SLC6A11: variants seen among roughly 807,000 people sequenced by gnomAD.
SLC6A11 encodes solute carrier family 6 member 11, also known as sodium- and chloride-dependent GABA transporter 3.
SLC6A11 carries 25 observed loss-of-function variants against 74.8 expected under a neutral mutation model. That is an observed-to-expected ratio of 0.33 (90% CI 0.24 to 0.47). SLC6A11 has a LOEUF of 0.47. Ranked by LOEUF, SLC6A11 falls within the 20% of genes least tolerant of loss-of-function variation. The pLI is 1.00. For missense variants in SLC6A11, 574 were observed against 837.0 expected, an observed-to-expected ratio of 0.69 and a Z score of 3.88; for synonymous variants, 330 against 330.2, an observed-to-expected ratio of 1.00 and a Z score of 0.01.
rs1695437565 is a variant in SLC6A11, at chr3:10,915,036, C to T, written c.995+2843C>T. 6.6e-6 allele frequency among the ~76,000 whole-genome samples: 1 copy of T among 152,170 alleles called. No individual in the cohort carries two copies. Among genetic ancestry groups the T allele is most frequent in the Admixed American group, 6.5e-5 (1 of 15,278 alleles). On this transcript the variant is annotated intron_variant, in intron 7 of 13. Transcript: ENST00000254488. This position sits in a 1 kb window ranked among gnomAD's most constrained non-coding sequence, Gnocchi z 4.3. ...GCAGGGCAGTCAGAAAGAAACCACC[C>T]CATTACATAAGCAAGGAGATGGTGG...
At chr3:10,831,335 C>G (rs1023344649) in intron 4 of SLC6A11, among the ~76,000 whole-genome samples, 1 of 148,838 alleles carries the variant, frequency 6.7e-6, no homozygotes, top group Non-Finnish European at 1.5e-5. Context: ...TGAACATGTC[C>G]TCAGCAGCAC....
intron 3 of SLC6A11, among the ~76,000 whole-genome samples, chr3:10,821,069 G>A (rs1021673331): frequency 1.3e-5 from 2 of 152,148 alleles, no homozygotes; most frequent in African/African-American, 4.8e-5. Flanking sequence ...GTTGCATTTT[G>A]TGGAGCTTTT....
chr3:10,931,593 C>G (rs1375618249), intron 10 of SLC6A11, among the ~76,000 whole-genome samples: 1 of 152,156 alleles, frequency 6.6e-6, no homozygotes, highest in African/African-American at 2.4e-5. Flanking sequence ...CACGAAGTTG[C>G]CAACAATTAT....
At chr3:10,834,784 C>T (rs868834264) in intron 4 of SLC6A11, among the ~76,000 whole-genome samples, 1 of 152,152 alleles carries the variant, frequency 6.6e-6, no homozygotes, top group African/African-American at 2.4e-5. Flanking sequence ...CGAGTTTCCT[C>T]CTCTGTAGAA....
rs550701310 is a variant in SLC6A11 at position 10,934,125 on chromosome 3, A to G, written c.1534A>G (p.Ile512Val). The change falls in exon 12 of 14, where the codon ATT (isoleucine) becomes GTT (valine). Residue 512 changes from isoleucine to valine, a missense_variant. Physicochemically the swap from Ile to Val is conservative, Grantham distance 29. Transcript: ENST00000254488. Reference sequence around the variant, plus strand: ...GATTGGCTACCGGCCACCGTCGCTCATTAAGTGGTGCTGGATGATCATGAC... The same window carrying G: ...GATTGGCTACCGGCCACCGTCGCTCGTTAAGTGGTGCTGGATGATCATGAC... ...DMIGYRPPSLIKWCWMIMTPG... is the reference protein window; with the variant it reads ...DMIGYRPPSLVKWCWMIMTPG... 3.4e-5 allele frequency: 55 copies of G among 1,613,972 alleles called. No homozygotes were observed. The highest frequency in any genetic ancestry group is 2.4e-4 in the South Asian group (22 of 91,068).
At chr3:10,854,217 G>A (rs9821889) in intron 5 of SLC6A11, among the ~76,000 whole-genome samples, 5,589 of 152,036 alleles carry the variant, frequency 0.037, 342 homozygotes, top group African/African-American at 0.13. Flanking sequence ...GCGAAACCCC[G>A]TCTCTACTAA....
chr3:10,869,713 C>A (rs1157279112), intron 5 of SLC6A11, among the ~76,000 whole-genome samples: 6 of 152,230 alleles, frequency 3.9e-5, no homozygotes, highest in Non-Finnish European at 5.9e-5. Context: ...TTCATCATAT[C>A]CCACAACCTT....
chr3:10,897,686 G>A (rs1695187189), intron 6 of SLC6A11, among the ~76,000 whole-genome samples: 1 of 152,194 alleles, frequency 6.6e-6, no homozygotes. Flanking sequence ...ATGGGCTGGT[G>A]TTGAGTGTCA....
At chr3:10,868,243 C>CT (rs1559565002) in intron 5 of SLC6A11, among the ~76,000 whole-genome samples, 1 of 152,128 alleles carries the variant, frequency 6.6e-6, no homozygotes, top group East Asian at 1.9e-4. Flanking sequence ...CACTGCCCTG[C>CT]TTTTTTGGAT....
At position 10,926,191 on chromosome 3, in the gene SLC6A11, G is replaced by T. The variant is rs1222772100; in HGVS notation, c.1233+75G>T. 5.3e-6 allele frequency: 5 copies of T among 951,806 alleles called. No homozygotes were observed. The East Asian group carries it at 1.2e-4, about 23-fold the overall frequency. The allele number at this position is 951,806 out of a possible 1,614,324, so 59.0% of individuals were successfully genotyped here. On this transcript the variant is annotated intron_variant, in intron 9 of 13. Transcript: ENST00000254488. This position sits in a 1 kb window ranked among gnomAD's most constrained non-coding sequence, Gnocchi z 5.7. ...AGGAGGCCAGACGCCACCCTTAGGAGTGGCTCCCCAGGCCCAGCCACTCCC... is the reference window on the plus strand; with the variant it reads ...AGGAGGCCAGACGCCACCCTTAGGATTGGCTCCCCAGGCCCAGCCACTCCC...
At position 10,926,141 on chromosome 3, in the gene SLC6A11, C is replaced by A; in HGVS notation, c.1233+25C>A. ...GGTAAGGGGCCATGGGGATGGGGAG[C>A]CCAGGAGGGAGGGGAGCCTGGGCCA... On this transcript the variant is annotated intron_variant, in intron 9 of 13. Transcript: ENST00000254488. The surrounding 1 kb of genome is among the most constrained non-coding windows in gnomAD (Gnocchi z 5.7). 1.3e-6 allele frequency: 2 copies of A among 1,507,048 alleles called. No homozygotes were observed. Among genetic ancestry groups the A allele is most frequent in the Non-Finnish European group, 1.8e-6 (2 of 1,087,742 alleles). The allele number at this position is 1,507,048 out of a possible 1,614,324, so 93.4% of individuals were successfully genotyped here.
rs1326570627 is a variant in SLC6A11, at chr3:10,929,073, C to T, written c.1234-129C>T. ...CTGGGATGACTGTTATCCTCAGGCC[C>T]CTCGTCTGCATTAATGGGTGTGGGA... On this transcript the variant is annotated intron_variant, in intron 9 of 13. Transcript: ENST00000254488. The T allele has an allele frequency of 8.8e-6, 8 of 912,268 alleles. No homozygotes were observed. In the South Asian group the frequency reaches 1.3e-4, roughly 15 times the overall value. 56.5% of individuals were successfully genotyped at this position (912,268 alleles called of 1,614,324 possible).
chr3:10,900,980 G>T (rs1033541984), intron 6 of SLC6A11, among the ~76,000 whole-genome samples: 1 of 152,204 alleles, frequency 6.6e-6, no homozygotes, highest in African/African-American at 2.4e-5. Context: ...GAAACTTCTA[G>T]CATTTAGAGA....
At chr3:10,849,364 T>C (rs1287412635) in intron 5 of SLC6A11, among the ~76,000 whole-genome samples, 2 of 152,226 alleles carry the variant, frequency 1.3e-5, no homozygotes, top group Non-Finnish European at 2.9e-5. Context: ...TGTCATTGTT[T>C]TTTTTCATCA....
At chr3:10,873,689 CATCCT>C (rs796960855) in intron 5 of SLC6A11, among the ~76,000 whole-genome samples, 13,046 of 134,590 alleles carry the variant, frequency 0.097, 873 homozygotes, top group Admixed American at 0.23. Flanking sequence ...TATCCCGTCC[CATCCT>C]ATCCTATCCT....
At chr3:10,871,838 C>A (rs1428215287) in intron 5 of SLC6A11, among the ~76,000 whole-genome samples, 3 of 152,130 alleles carry the variant, frequency 2.0e-5, no homozygotes, top group African/African-American at 7.2e-5. Flanking sequence ...GATTTGGAAA[C>A]AGGGATGCAG....
intron 6 of SLC6A11, among the ~76,000 whole-genome samples, chr3:10,911,477 G>C (rs1400772691): frequency 6.6e-6 from 1 of 152,134 alleles, no homozygotes. Context: ...TAGAGGGGGG[G>C]AGTCTGTTCT....
chr3:10,930,131 A>G (rs930266270), intron 10 of SLC6A11, among the ~76,000 whole-genome samples: 3 of 152,240 alleles, frequency 2.0e-5, no homozygotes, highest in Non-Finnish European at 1.5e-5. Context: ...AAGTCAGGCT[A>G]GAAAGCATTT....
intron 6 of SLC6A11, among the ~76,000 whole-genome samples, chr3:10,904,917 A>G (rs1048338627): frequency 2.0e-5 from 3 of 152,254 alleles, no homozygotes; most frequent in African/African-American, 4.8e-5. Context: ...TAAGATCATT[A>G]GCAAATTATG....
Sources: gnomAD v4.1 joint callset for allele counts (sites outside exome capture counted in the v4.1 genomes callset) on GRCh38, gnomAD v4.1.1 for gene constraint, Gnocchi (gnomAD v3.1) non-coding constraint, MANE v1.5 for transcripts, NCBI Gene and HGNC (gene_info 2026-07-23, HGNC 2026-07-21) for gene names.